Variants in FAM221B observed in about 807,000 individuals in gnomAD.
FAM221B encodes protein FAM221B.
A neutral mutation model predicts 39.8 loss-of-function variants in FAM221B; 35 were observed. The ratio of observed to expected loss-of-function variants is 0.88; its 90% confidence interval spans 0.67 to 1.17. FAM221B has a LOEUF of 1.17. FAM221B is among the 50% of genes most tolerant of loss of function. FAM221B has a pLI of 0.00. For synonymous variants in FAM221B, 158 were observed against 178.1 expected, an observed-to-expected ratio of 0.89 and a Z score of 0.90; for missense variants, 479 against 503.1, an observed-to-expected ratio of 0.95 and a Z score of 0.46.
chr9:35,822,669 A>T (rs954283497), intron 3 of FAM221B, among the ~76,000 whole-genome samples: 4 of 152,178 alleles, frequency 2.6e-5, no homozygotes, highest in Non-Finnish European at 5.9e-5. Flanking sequence ...GGCCTCCCAA[A>T]GTGCTGGGAT....
intron 3 of FAM221B, among the ~76,000 whole-genome samples, chr9:35,824,850 T>C (rs1181167861): frequency 6.6e-6 from 1 of 151,772 alleles, no homozygotes; most frequent in Non-Finnish European, 1.5e-5. Flanking sequence ...CCCGGCTAAT[T>C]TTTTGTATTT....
In FAM221B at chr9:35,825,292, C is replaced by T. The variant is rs1222875435; in HGVS notation, c.680G>A (p.Gly227Asp). 1 of 1,614,230 alleles carries T rather than the reference C, an allele frequency of 6.2e-7. No homozygotes were observed. Among genetic ancestry groups the T allele is most frequent in the Non-Finnish European group, 8.5e-7 (1 of 1,180,040 alleles). Residue 227 changes from glycine (G) to aspartate (D), a missense_variant, in exon 3 of 7, where the codon GGT (glycine) becomes GAT (aspartate). By Grantham distance (94) the Gly-to-Asp change is moderately conservative. Coordinates refer to ENST00000423537, the MANE Select transcript of FAM221B (RefSeq NM_001012446.4). The surrounding 1 kb of genome is among the most constrained non-coding windows in gnomAD (Gnocchi z 4.2). ...CTGGAAAAGATTGTTCACTTGAGCA[C>T]CAAACTCCTCTCTATGCATTGCCTT... ...VAKAMHREEF[G>D]AQVNNLFQWE...
chr9:35,821,088 C>T (rs771730974), intron 3 of FAM221B, among the ~76,000 whole-genome samples: 5 of 152,198 alleles, frequency 3.3e-5, no homozygotes, highest in Non-Finnish European at 7.3e-5. Context: ...TGTCTGGGCC[C>T]CTCCTATTGC....
rs779835888 is a variant in FAM221B, at chr9:35,826,062, G to A, written c.100C>T (p.His34Tyr). Residue 34 changes from histidine (H) to tyrosine (Y), a missense_variant, in exon 2 of 7, where the codon CAT becomes TAT. By Grantham distance (83) the His-to-Tyr change is moderately conservative (BLOSUM62 2). Transcript: ENST00000423537. ...GGCTTCAAGAAGCTTTCAGAGATAT[G>A]GTTCTCCTGTAAGTCCTCAGCAGAG... ...DPSAEDLQENHISESFLKPST... is the reference protein window; with the variant it reads ...DPSAEDLQENYISESFLKPST... 1.2e-6 allele frequency: 2 copies of A among 1,614,080 alleles called. No individual in the cohort carries two copies. The highest frequency in any genetic ancestry group is 2.7e-5 in the African/African-American group (2 of 75,016).
intron 3 of FAM221B, chr9:35,821,659 G>A (rs1177307096): frequency 2.1e-5 from 29 of 1,359,328 alleles, no homozygotes; most frequent in Non-Finnish European, 2.8e-5. Flanking sequence ...AAAAAAGCAG[G>A]AGGTGAGGCC....
chr9:35,826,177 G>T lies in FAM221B; in HGVS notation c.1-16C>A. 6.5e-7 allele frequency: 1 copy of T among 1,544,042 alleles called. No individual in the cohort carries two copies. Reference sequence around the variant, plus strand: ...GTGCTTCCATCTAGTGGTAGAACAGGGTACAGGCTTCATTAGGTTGGAAAT... The same window carrying T: ...GTGCTTCCATCTAGTGGTAGAACAGTGTACAGGCTTCATTAGGTTGGAAAT... On this transcript the variant is annotated splice_polypyrimidine_tract_variant and intron_variant, in intron 1 of 6. Transcript: ENST00000423537.
chr9:35,820,101 A>C, intron 3 of FAM221B, 101 bp from the exon 4 acceptor site: 3 of 679,864 alleles, frequency 4.4e-6, no homozygotes, highest in South Asian at 1.9e-5. Context: ...GGGGGAACTT[A>C]CCTCTCCCCA....
rs1471355172 is a variant in FAM221B, at chr9:35,828,332, A to AACAACAACC, written c.-1+130_-1+131insGGTTGTTGT. The stretch of plus-strand genomic sequence containing the variant: ...CAACAACAACAACAACAACAACAAC[A>AACAACAACC]ACTACTACTACTACTACTACTACTA... On this transcript the variant is annotated intron_variant, in intron 1 of 6. Coordinates refer to ENST00000423537, the MANE Select transcript of FAM221B (RefSeq NM_001012446.4). The surrounding 1 kb of genome is among the most constrained non-coding windows in gnomAD (Gnocchi z 4.5). 1 of 108,946 alleles carries AACAACAACC rather than the reference A, an allele frequency of 9.2e-6. No individual in the cohort carries two copies. The highest frequency in any genetic ancestry group is 2.2e-4 in the East Asian group (1 of 4,566). The allele number at this position is 108,946 out of a possible 1,614,324, so 6.7% of individuals were successfully genotyped here. A position where few individuals can be genotyped will look rare whatever the true frequency, so the allele number is the denominator to read the frequency against.
Position 35,826,058 on chromosome 9 carries a change from A to T in FAM221B, c.104T>A (p.Ile35Asn). Residue 35 changes from isoleucine (I) to asparagine (N), a missense_variant, in exon 2 of 7, where the codon ATC (isoleucine) becomes AAC (asparagine). By Grantham distance (149) the Ile-to-Asn change is moderately radical. Transcript: ENST00000423537. ...GGAAGGCTTCAAGAAGCTTTCAGAG[A>T]TATGGTTCTCCTGTAAGTCCTCAGC... Reference protein sequence around the residue: ...PSAEDLQENHISESFLKPSTS... With the variant: ...PSAEDLQENHNSESFLKPSTS... 6.2e-7 allele frequency: 1 copy of T among 1,614,062 alleles called. No individual in the cohort carries two copies. The highest frequency in any genetic ancestry group is 2.2e-5 in the East Asian group (1 of 44,882).
Position 35,825,293 on chromosome 9 carries a change from C to A in FAM221B, c.679G>T (p.Gly227Cys). The A allele has an allele frequency of 6.2e-7, 1 of 1,614,252 alleles. No homozygotes were observed. The highest frequency in any genetic ancestry group is 2.2e-5 in the East Asian group (1 of 44,886). ...VAKAMHREEF[G>C]AQVNNLFQWE... is the part of the protein sequence containing the mutation. ...TGGAAAAGATTGTTCACTTGAGCAC[C>A]AAACTCCTCTCTATGCATTGCCTTA... The change falls in exon 3 of 7, where the codon GGT (glycine) becomes TGT (cysteine). Residue 227 changes from glycine to cysteine, a missense_variant. Physicochemically the swap from Gly to Cys is radical, Grantham distance 159 (BLOSUM62 -3). Coordinates refer to ENST00000423537, the MANE Select transcript of FAM221B (RefSeq NM_001012446.4). This position sits in a 1 kb window ranked among gnomAD's most constrained non-coding sequence, Gnocchi z 4.2.
In FAM221B at chr9:35,825,455, C is replaced by A; in HGVS notation, c.599-82G>T. 2 of 1,595,514 alleles carry A rather than the reference C, an allele frequency of 1.3e-6. No individual in the cohort carries two copies. Among genetic ancestry groups the A allele is most frequent in the Middle Eastern group, 1.7e-4 (1 of 5,990 alleles). On this transcript the variant is annotated intron_variant, in intron 2 of 6. Coordinates refer to ENST00000423537, the MANE Select transcript of FAM221B (RefSeq NM_001012446.4). The surrounding 1 kb of genome is among the most constrained non-coding windows in gnomAD (Gnocchi z 4.2). ...GAAGGGGCCATGTCCAAGAGTAACCCAGTCTCCTCCTCCTGGGGCAAGTCA... is the reference window on the plus strand; with the variant it reads ...GAAGGGGCCATGTCCAAGAGTAACCAAGTCTCCTCCTCCTGGGGCAAGTCA...
Position 35,828,687 on chromosome 9 carries a change from TGGGTAGGGACAA to T in FAM221B, c.-237_-226del. 1.0e-6 allele frequency: 1 copy of T among 985,188 alleles called. No individual in the cohort carries two copies. 61.0% of individuals were successfully genotyped at this position (985,188 alleles called of 1,614,324 possible). Reference sequence around the variant, plus strand: ...GGAGCTCTGGCATGACCTGGGGAAGTGGGTAGGGACAAGGGGTCTAGGGCCAATGAGGGAGGG... The same window carrying T: ...GGAGCTCTGGCATGACCTGGGGAAGTGGGGTCTAGGGCCAATGAGGGAGGG... On this transcript the variant is annotated 5_prime_UTR_variant, in exon 1 of 7. Transcript: ENST00000423537. This position sits in a 1 kb window ranked among gnomAD's most constrained non-coding sequence, Gnocchi z 4.5.
intron 4 of FAM221B, 151 bp downstream of exon 4, chr9:35,819,739 C>T: frequency 1.6e-6 from 1 of 610,428 alleles, no homozygotes; most frequent in Non-Finnish European, 3.0e-6. Flanking sequence ...ATCTCCTGAC[C>T]TTTGATCCAC....
Position 35,825,446 on chromosome 9 carries a change from A to T in FAM221B, c.599-73T>A. The T allele has an allele frequency of 1.2e-6, 2 of 1,601,450 alleles. No homozygotes were observed. The highest frequency in any genetic ancestry group is 1.7e-6 in the Non-Finnish European group (2 of 1,172,246). On this transcript the variant is annotated intron_variant, in intron 2 of 6. Transcript: ENST00000423537. The surrounding 1 kb of genome is among the most constrained non-coding windows in gnomAD (Gnocchi z 4.2). ...AAACTAAGAGAAGGGGCCATGTCCA[A>T]GAGTAACCCAGTCTCCTCCTCCTGG...
Position 35,825,760 on chromosome 9 carries a change from G to A in FAM221B, c.402C>T (p.Ser134=), listed in dbSNP as rs1167688045. ...LKEDLSSESS[S]NEVPWTRRST... ...ACCTCCTTGTCCATGGGACCTCATTGGAAGAAGACTCAGAGGAGAGGTCTT... is the reference window on the plus strand; with the variant it reads ...ACCTCCTTGTCCATGGGACCTCATTAGAAGAAGACTCAGAGGAGAGGTCTT... The change falls in exon 2 of 7, where the codon TCC becomes TCT. Residue 134 remains serine (S), a synonymous_variant. Transcript: ENST00000423537. The surrounding 1 kb of genome is among the most constrained non-coding windows in gnomAD (Gnocchi z 4.2). 6.2e-7 allele frequency: 1 copy of A among 1,614,200 alleles called. No homozygotes were observed. The highest frequency in any genetic ancestry group is 1.7e-5 in the Admixed American group (1 of 60,032).
In FAM221B at chr9:35,826,148, T is replaced by C; in HGVS notation, c.14A>G (p.Glu5Gly). MEAHEIIEEPHITMD... is the reference protein window; with the variant it reads MEAHGIIEEPHITMD... ...GGTGATATGAGGCTCTTCTATGATC[T>C]CATGTGCTTCCATCTAGTGGTAGAA... Residue 5 changes from glutamate (E) to glycine (G), a missense_variant, in exon 2 of 7, where the codon GAG becomes GGG. Physicochemically the swap from Glu to Gly is moderately conservative, Grantham distance 98 (BLOSUM62 -2). Transcript: ENST00000423537. 1.3e-6 allele frequency: 2 copies of C among 1,585,632 alleles called. No homozygotes were observed. Among genetic ancestry groups the C allele is most frequent in the Non-Finnish European group, 1.7e-6 (2 of 1,168,706 alleles).
rs181665112 is a variant in FAM221B at position 35,817,926 on chromosome 9, C to T, written c.*543G>A. On this transcript the variant is annotated 3_prime_UTR_variant, in exon 7 of 7. Transcript: ENST00000423537. Reference sequence around the variant, plus strand: ...GATCTTGTCTCACCAGGCATCTCTTCTCTCTCTTCTGGGTCCTTCAAGGTC... The same window carrying T: ...GATCTTGTCTCACCAGGCATCTCTTTTCTCTCTTCTGGGTCCTTCAAGGTC... 1.4e-3 allele frequency: 223 copies of T among 154,370 alleles called. 2 individuals are homozygous for T. Among genetic ancestry groups the T allele is most frequent in the Non-Finnish European group, 2.2e-3 (153 of 69,462 alleles). 9.6% of individuals were successfully genotyped at this position (154,370 alleles called of 1,614,324 possible).
chr9:35,823,908 T>TCCTGC (rs1174965820), intron 3 of FAM221B, among the ~76,000 whole-genome samples: 2 of 152,110 alleles, frequency 1.3e-5, no homozygotes, highest in African/African-American at 4.8e-5. Context: ...TAAGTGATCC[T>TCCTGC]CCTGCCTCAG....
rs761647347 is a variant in FAM221B, at chr9:35,825,542, C to T, written c.598+22G>A. On this transcript the variant is annotated intron_variant, in intron 2 of 6. Coordinates refer to ENST00000423537, the MANE Select transcript of FAM221B (RefSeq NM_001012446.4). This position sits in a 1 kb window ranked among gnomAD's most constrained non-coding sequence, Gnocchi z 4.2. ...AGGACAGGTACAATTACAGCTAACTCCTTTCTTCTTCTTCTTCTTGCCTAG... is the reference window on the plus strand; with the variant it reads ...AGGACAGGTACAATTACAGCTAACTTCTTTCTTCTTCTTCTTCTTGCCTAG... 2 of 1,594,522 alleles carry T rather than the reference C, an allele frequency of 1.3e-6. No individual in the cohort carries two copies. Among genetic ancestry groups the T allele is most frequent in the Non-Finnish European group, 1.7e-6 (2 of 1,167,914 alleles).
Sources: allele counts gnomAD v4.1 joint callset (sites outside exome capture counted in the v4.1 genomes callset), GRCh38; gene constraint gnomAD v4.1.1; non-coding constraint Gnocchi (gnomAD v3.1); transcripts MANE v1.5; gene names NCBI Gene and HGNC (gene_info 2026-07-23, HGNC 2026-07-21).